CACNA2D1: variants seen among roughly 807,000 people sequenced by gnomAD.
CACNA2D1 encodes the protein calcium voltage-gated channel auxiliary subunit alpha2delta 1.
Under a neutral mutation model 171.5 loss-of-function variants are expected in CACNA2D1, and 53 were observed. The observed-to-expected ratio is 0.31, with a 90% confidence interval of 0.25 to 0.39. The LOEUF is 0.39. CACNA2D1 is among the 10% of genes least tolerant of loss of function. The pLI is 1.00. For missense variants in CACNA2D1, 903 were observed against 1,299.8 expected (o/e 0.69, Z 4.69); for synonymous variants, 442 against 443.1 (o/e 1.00, Z 0.03).
chr7:82,052,800 T>C (rs1183375444), intron 10 of CACNA2D1, among the ~76,000 whole-genome samples: 1 of 152,208 alleles, frequency 6.6e-6, no homozygotes, highest in Non-Finnish European at 1.5e-5. Context: ...TGAATGAAGA[T>C]GGCTACACTC....
At chr7:82,384,188 G>A (rs1208607771) in intron 1 of CACNA2D1, among the ~76,000 whole-genome samples, 1 of 152,132 alleles carries the variant, frequency 6.6e-6, no homozygotes, top group Non-Finnish European at 1.5e-5. Flanking sequence ...GTTTTGGTTT[G>A]AATGCTGTAG....
At chr7:82,111,424 GTGTGTATATA>G (rs1788408749) in intron 6 of CACNA2D1, among the ~76,000 whole-genome samples, 5 of 71,068 alleles carry the variant, frequency 7.0e-5, no homozygotes, top group Non-Finnish European at 1.0e-4. Flanking sequence ...GTGTATATAT[GTGTGTATATA>G]TATATATATA....
intron 36 of CACNA2D1, 118 bp from the exon 37 acceptor site, chr7:81,959,947 C>T (rs773189130): frequency 1.2e-5 from 17 of 1,442,812 alleles, no homozygotes; most frequent in Non-Finnish European, 1.5e-5. Flanking sequence ...AAACAGAAAC[C>T]ATTCCCAGCA....
intron 1 of CACNA2D1, among the ~76,000 whole-genome samples, chr7:82,355,027 C>A (rs777195251): frequency 4.6e-5 from 7 of 152,058 alleles, no homozygotes; most frequent in Non-Finnish European, 1.0e-4. Flanking sequence ...TGTGAAAATA[C>A]CATATTACCA....
rs1221367971 is a variant in CACNA2D1 at position 82,416,782 on chromosome 7, T to C, written c.95+26583A>G. Among the ~76,000 whole-genome samples, 6 of 152,170 alleles carry C rather than the reference T, an allele frequency of 3.9e-5. No individual in the cohort carries two copies. In the East Asian group the frequency reaches 9.6e-4, roughly 24 times the overall value. On this transcript the variant is annotated intron_variant, in intron 1 of 38. Coordinates refer to ENST00000356860, the MANE Select transcript of CACNA2D1 (RefSeq NM_000722.4). ...AGGTCACATTCTGAAGTACTGGGGG[T>C]TAGAAATTCAACACAGGAATTTTGG... is the stretch of plus-strand genomic sequence containing the variant.
chr7:82,265,525 T>C (rs1473574288), intron 3 of CACNA2D1, among the ~76,000 whole-genome samples: 2 of 146,524 alleles, frequency 1.4e-5, no homozygotes, highest in Non-Finnish European at 3.0e-5. Flanking sequence ...CCATTTACAA[T>C]AGGTCCTTTT....
intron 4 of CACNA2D1, among the ~76,000 whole-genome samples, chr7:82,156,170 G>A (rs1331387514): frequency 1.3e-5 from 2 of 152,160 alleles, no homozygotes. Flanking sequence ...AATGAAATAT[G>A]TTGGTATACC....
At chr7:82,302,042 G>A (rs2368018) in intron 3 of CACNA2D1, among the ~76,000 whole-genome samples, 48,698 of 151,882 alleles carry the variant, frequency 0.32, 7,977 homozygotes, top group Non-Finnish European at 0.35. Flanking sequence ...TTATAGGCAT[G>A]AGCCACCGCC....
At chr7:82,064,541 A>G (rs908804994) in intron 8 of CACNA2D1, among the ~76,000 whole-genome samples, 187 bp from the exon 9 acceptor site, 3 of 152,172 alleles carry the variant, frequency 2.0e-5, no homozygotes, top group Non-Finnish European at 2.9e-5. Context: ...AATATCCAAT[A>G]TAACAATAGA....
At chr7:82,202,493 G>A (rs906751988) in intron 3 of CACNA2D1, among the ~76,000 whole-genome samples, 23 of 152,286 alleles carry the variant, frequency 1.5e-4, no homozygotes, top group Middle Eastern at 6.8e-3. Context: ...AAACCTGGGC[G>A]GCAGTAGATG....
intron 31 of CACNA2D1, among the ~76,000 whole-genome samples, chr7:81,966,069 G>A (rs60536628): frequency 0.023 from 3,451 of 151,668 alleles, 117 homozygotes; most frequent in African/African-American, 0.075. Flanking sequence ...CATTTTAGTT[G>A]TCCTGTTTCA....
rs1413914216 is a variant in CACNA2D1, at chr7:82,111,428, G to GTGTATATATATATA, written c.526+5615_526+5616insTATATATATATACA. 6.0e-4 allele frequency among the ~76,000 whole-genome samples: 30 copies of GTGTATATATATATA among 50,400 alleles called. 1 individual carries two copies. Among genetic ancestry groups the GTGTATATATATATA allele is most frequent in the African/African-American group, 2.7e-3 (28 of 10,550 alleles). The allele number at this position is 50,400 out of a possible 152,430, so 33.1% of individuals were successfully genotyped here. A position where few individuals can be genotyped will look rare whatever the true frequency, so the allele number is the denominator to read the frequency against. On this transcript the variant is annotated intron_variant, in intron 6 of 38. Transcript: ENST00000356860. ...TATTCATATATGTGTATATATGTGTGTATATATATATATATATTTTTTTTT... is the reference window on the plus strand; with the variant it reads ...TATTCATATATGTGTATATATGTGTGTGTATATATATATATATATATATATATATATTTTTTTTT...
intron 3 of CACNA2D1, among the ~76,000 whole-genome samples, chr7:82,255,550 G>A (rs1806195626): frequency 6.6e-6 from 1 of 152,030 alleles, no homozygotes; most frequent in Non-Finnish European, 1.5e-5. Flanking sequence ...TTTCATAGAT[G>A]GCATACTCTA....
chr7:82,096,949 A>T (rs1811953669), intron 6 of CACNA2D1, among the ~76,000 whole-genome samples: 1 of 152,166 alleles, frequency 6.6e-6, no homozygotes, highest in South Asian at 2.1e-4. Flanking sequence ...TCTAAATCAA[A>T]TTTTGCTTTG....
chr7:81,989,677 T>C (rs10253495), intron 21 of CACNA2D1, among the ~76,000 whole-genome samples: 71,378 of 152,022 alleles, frequency 0.47, 17,376 homozygotes, highest in Middle Eastern at 0.62. Flanking sequence ...GCATTTTACT[T>C]CAGTCACTTT....
rs139008340 is a variant in CACNA2D1, at chr7:82,346,650, T to C, written c.177+2918A>G. ...AACAGAAATGGGAGGTTTTAAATTATGCATGTATATTATATGTTGACATTT... is the reference window on the plus strand; with the variant it reads ...AACAGAAATGGGAGGTTTTAAATTACGCATGTATATTATATGTTGACATTT... On this transcript the variant is annotated intron_variant, in intron 2 of 38. Transcript: ENST00000356860. 4.6e-5 allele frequency among the ~76,000 whole-genome samples: 7 copies of C among 152,254 alleles called. No homozygotes were observed. In the East Asian group the frequency reaches 1.4e-3, roughly 29 times the overall value.
intron 6 of CACNA2D1, among the ~76,000 whole-genome samples, chr7:82,104,731 A>C (rs1288228418): frequency 6.6e-6 from 1 of 152,084 alleles, no homozygotes; most frequent in Non-Finnish European, 1.5e-5. Flanking sequence ...AGTATGAGAC[A>C]ATCAACTAAT....
chr7:82,302,635 A>T (rs1160560933), intron 3 of CACNA2D1, among the ~76,000 whole-genome samples: 1 of 151,800 alleles, frequency 6.6e-6, no homozygotes, highest in Admixed American at 6.6e-5. Flanking sequence ...CTGGTCTCGA[A>T]CTCCCGACCG....
intron 3 of CACNA2D1, among the ~76,000 whole-genome samples, chr7:82,304,553 C>T (rs1204949848): frequency 6.6e-6 from 1 of 152,028 alleles, no homozygotes; most frequent in Admixed American, 6.6e-5. Context: ...TCATTAGCAG[C>T]AATATGAATG....
Sources: gnomAD v4.1 joint callset for allele counts (sites outside exome capture counted in the v4.1 genomes callset) on GRCh38, gnomAD v4.1.1 for gene constraint, MANE v1.5 for transcripts, NCBI Gene and HGNC (gene_info 2026-07-23, HGNC 2026-07-21) for gene names.